The following INSR variants were observed in gnomAD, a reference collection of about 807,000 sequenced individuals.
INSR encodes the protein IR.
In INSR, 67 loss-of-function variants were observed where a neutral mutation model predicts 142.6. The ratio of observed to expected loss-of-function variants is 0.47; its 90% CI spans 0.39 to 0.58. The LOEUF is 0.58. INSR is among the 20% of genes least tolerant of loss of function. The probability of loss-of-function intolerance (pLI) is 0.00; values close to 1 mark genes in which losing one functional copy is unlikely to be tolerated. For synonymous variants in INSR, 756 were observed against 743.1 expected (o/e 1.02, Z -0.28); for missense variants, 1,248 against 1,833.2 (o/e 0.68, Z 5.83).
At chr19:7,138,880 T>C (rs1422292792) in intron 13 of INSR, among the ~76,000 whole-genome samples, 1 of 152,164 alleles carries the variant, frequency 6.6e-6, no homozygotes, top group Non-Finnish European at 1.5e-5. Flanking sequence ...AATATATTAA[T>C]AAACTTTGCA....
chr19:7,243,767 C>A (rs2145156524), intron 2 of INSR, among the ~76,000 whole-genome samples: 1 of 152,278 alleles, frequency 6.6e-6, no homozygotes, highest in African/African-American at 2.4e-5. Flanking sequence ...CGAAACAAAG[C>A]AAACCTAGCA....
chr19:7,221,026 G>C (rs932928474), intron 2 of INSR, among the ~76,000 whole-genome samples: 1 of 152,036 alleles, frequency 6.6e-6, no homozygotes, highest in Non-Finnish European at 1.5e-5. Context: ...CAGCTCCCTC[G>C]CCATGTGATG....
rs933341865 is a variant in INSR at position 7,159,118 on chromosome 19, G to T, written c.2029+3914C>A. ...GGGTTTCACCATGTTGCCCAGGCTGGTCTCGAACTCCTGGCCTCAAAGTGA... is the reference window on the plus strand; with the variant it reads ...GGGTTTCACCATGTTGCCCAGGCTGTTCTCGAACTCCTGGCCTCAAAGTGA... On this transcript the variant is annotated intron_variant, in intron 9 of 21. Coordinates refer to ENST00000302850, the MANE Select transcript of INSR (RefSeq NM_000208.4). The surrounding 1 kb of genome is among the most constrained non-coding windows in gnomAD (Gnocchi z 4.3). 5.3e-5 allele frequency among the ~76,000 whole-genome samples: 8 copies of T among 152,092 alleles called. No homozygotes were observed. Among genetic ancestry groups the T allele is most frequent in the African/African-American group, 1.9e-4 (8 of 41,396 alleles).
intron 10 of INSR, among the ~76,000 whole-genome samples, chr19:7,151,572 C>T (rs1194784701): frequency 1.3e-5 from 2 of 151,682 alleles, no homozygotes; most frequent in Non-Finnish European, 2.9e-5. Context: ...ACGAGTGAGC[C>T]ACTGTGCCTA....
chr19:7,207,117 A>C (rs1975125025), intron 2 of INSR, among the ~76,000 whole-genome samples: 1 of 152,090 alleles, frequency 6.6e-6, no homozygotes, highest in Non-Finnish European at 1.5e-5. Context: ...GCTCCAACTA[A>C]AATGAATGAG....
intron 2 of INSR, among the ~76,000 whole-genome samples, chr19:7,227,975 G>GA (rs929479670): frequency 1.2e-4 from 18 of 146,476 alleles, no homozygotes; most frequent in East Asian, 1.0e-3. Flanking sequence ...GCATCACCCA[G>GA]AAAAAAAAAA....
At chr19:7,132,582 C>A (rs564394707) in intron 13 of INSR, among the ~76,000 whole-genome samples, 15 of 151,094 alleles carry the variant, frequency 9.9e-5, no homozygotes, top group South Asian at 4.2e-4. Flanking sequence ...CTGATGGTTT[C>A]TTTTCTTTTC....
chr19:7,161,326 CAT>C (rs1973744274), intron 9 of INSR, among the ~76,000 whole-genome samples: 1 of 151,704 alleles, frequency 6.6e-6, no homozygotes, highest in African/African-American at 2.4e-5. Flanking sequence ...CTGGAATAAT[CAT>C]AGCTCACTGC....
intron 2 of INSR, among the ~76,000 whole-genome samples, chr19:7,208,608 A>G (rs750262002): frequency 2.6e-5 from 4 of 151,998 alleles, no homozygotes; most frequent in African/African-American, 4.8e-5. Flanking sequence ...AGTGGCTCAC[A>G]CCTGTAATCC....
At chr19:7,290,606 C>G (rs760909692) in intron 1 of INSR, among the ~76,000 whole-genome samples, 1 of 151,866 alleles carries the variant, frequency 6.6e-6, no homozygotes, top group Non-Finnish European at 1.5e-5. Flanking sequence ...AATCCCATCT[C>G]TACTAAAAAT....
chr19:7,229,601 C>T (rs1975904287), intron 2 of INSR, among the ~76,000 whole-genome samples: 1 of 151,790 alleles, frequency 6.6e-6, no homozygotes, highest in Non-Finnish European at 1.5e-5. Context: ...ACAATCAACC[C>T]CATAAAGGGC....
intron 21 of INSR, 149 bp from the exon 22 acceptor site, chr19:7,117,559 A>AAG: frequency 1.6e-6 from 1 of 626,328 alleles, no homozygotes; most frequent in South Asian, 2.0e-5. Flanking sequence ...TTGTCAAGGC[A>AAG]GAAATAGCAT....
chr19:7,267,876 G>T lies in INSR; in HGVS notation c.121C>A (p.Arg41=). The T allele has an allele frequency of 6.2e-7, 1 of 1,613,776 alleles. No individual in the cohort carries two copies. The change falls in exon 2 of 22, where the codon CGG becomes AGG. Residue 41 remains arginine (R), a synonymous_variant. Transcript: ENST00000302850. This position sits in a 1 kb window ranked among gnomAD's most constrained non-coding sequence, Gnocchi z 6.3. ...PGEVCPGMDI[R]NNLTRLHELE... ...TCATGCAACCTAGTGAGGTTGTTCC[G>T]GATATCCATGCCGGGACACACTACA...
intron 2 of INSR, among the ~76,000 whole-genome samples, chr19:7,250,980 G>A (rs1976709549): frequency 6.6e-6 from 1 of 151,962 alleles, no homozygotes; most frequent in African/African-American, 2.4e-5. Flanking sequence ...AAAAGGAAAG[G>A]GATGGAGGGA....
chr19:7,177,496 T>C (rs983419065), intron 3 of INSR, among the ~76,000 whole-genome samples: 2 of 151,902 alleles, frequency 1.3e-5, no homozygotes, highest in Non-Finnish European at 2.9e-5. Flanking sequence ...TCCTTTAATC[T>C]TGGTTAAGTC....
chr19:7,241,419 T>C (rs1357952693), intron 2 of INSR, among the ~76,000 whole-genome samples: 1 of 151,760 alleles, frequency 6.6e-6, no homozygotes, highest in East Asian at 1.9e-4. Context: ...AGGTCAGGAG[T>C]TCGAGACCAG....
chr19:7,214,583 T>C (rs1975374508), intron 2 of INSR, among the ~76,000 whole-genome samples: 1 of 152,194 alleles, frequency 6.6e-6, no homozygotes, highest in Admixed American at 6.5e-5. Context: ...AACACAGCGT[T>C]TGGAGGTTTT....
Position 7,146,236 on chromosome 19 carries a change from C to CCTTTTTTTTTTTTTTT in INSR, c.2268-3147_2268-3146insAAAAAAAAAAAAAAAG, listed in dbSNP as rs1424523294. Among the ~76,000 whole-genome samples, 5 of 110,756 alleles carry CCTTTTTTTTTTTTTTT rather than the reference C, an allele frequency of 4.5e-5. 2 individuals are homozygous for CCTTTTTTTTTTTTTTT. The highest frequency in any genetic ancestry group is 3.5e-5 in the African/African-American group (1 of 28,804). 72.7% of individuals were successfully genotyped at this position (110,756 alleles called of 152,430 possible). A position where few individuals can be genotyped will look rare whatever the true frequency, so the allele number is the denominator to read the frequency against. On this transcript the variant is annotated intron_variant, in intron 11 of 21. Transcript: ENST00000302850. ...TTCAGTGCAGTATCTTTGTCAAGTTCTTTTTTTTTTTTTTTTTTTTTTGAG... is the reference window on the plus strand; with the variant it reads ...TTCAGTGCAGTATCTTTGTCAAGTTCCTTTTTTTTTTTTTTTTTTTTTTTTTTTTTTTTTTTTTGAG...
intron 10 of INSR, 26 bp downstream of exon 10, chr19:7,152,700 A>AGT: frequency 6.3e-7 from 1 of 1,593,356 alleles, no homozygotes; most frequent in Non-Finnish European, 8.6e-7. Context: ...GGCACCCACT[A>AGT]AGAGAGCCCA....
Sources: gnomAD v4.1 joint callset for allele counts (sites outside exome capture counted in the v4.1 genomes callset) on GRCh38, gnomAD v4.1.1 for gene constraint, Gnocchi (gnomAD v3.1) non-coding constraint, MANE v1.5 for transcripts, NCBI Gene and HGNC (gene_info 2026-07-23, HGNC 2026-07-21) for gene names.